Variants in XIRP2 observed in about 807,000 individuals in gnomAD.
XIRP2 encodes xin actin binding repeat containing 2, also known as xin actin-binding repeat-containing protein 2.
In XIRP2, 236 loss-of-function variants were observed where a neutral mutation model predicts 277.0. That is an observed-to-expected ratio of 0.85 (90% CI 0.77 to 0.95). The LOEUF (loss-of-function observed/expected upper bound fraction) is 0.95, where lower values mean the gene tolerates loss of function less well. XIRP2 is among the 40% of genes least tolerant of loss of function. The pLI is 0.00. For synonymous variants in XIRP2, 1,490 were observed against 1,416.5 expected, an observed-to-expected ratio of 1.05 and a Z score of -1.17; for missense variants, 4,640 against 4,157.5, an observed-to-expected ratio of 1.12 and a Z score of -3.19.
rs1239662430 is a variant in XIRP2, at chr2:166,903,783, C to G, written c.301C>G (p.Leu101Val). 1 of 1,613,550 alleles carries G rather than the reference C, an allele frequency of 6.2e-7. No homozygotes were observed. The highest frequency in any genetic ancestry group is 8.5e-7 in the Non-Finnish European group (1 of 1,179,792). Residue 101 changes from leucine to valine, a missense_variant, in exon 2 of 11, where the codon CTG (leucine) becomes GTG (valine). Transcript: ENST00000409195. ...GCCAGAAGTGCTGAAGGAGGATTCC[C>G]TGAGCAGTCGGCGCAGGATTGAACG... ...GRPEVLKEDS[L>V]SSRRRIERFS...
chr2:166,981,388 C>G lies in XIRP2; in HGVS notation c.408+77498C>G, dbSNP rs867792906. ...TATTTCCTCTGAGTGCCTGTCTCCTCTATGTGTCTGTACATCTGTGTGTCC... is the reference window on the plus strand; with the variant it reads ...TATTTCCTCTGAGTGCCTGTCTCCTGTATGTGTCTGTACATCTGTGTGTCC... On this transcript the variant is annotated intron_variant, in intron 2 of 10. Coordinates refer to ENST00000409195, the MANE Select transcript of XIRP2 (RefSeq NM_152381.6). Among the ~76,000 whole-genome samples, 8 of 151,894 alleles carry G rather than the reference C, an allele frequency of 5.3e-5. No individual in the cohort carries two copies. The South Asian group carries it at 1.5e-3, about 28-fold the overall frequency.
intron 3 of XIRP2, among the ~76,000 whole-genome samples, chr2:167,206,167 C>T (rs1693846973): frequency 6.6e-6 from 1 of 152,152 alleles, no homozygotes; most frequent in Non-Finnish European, 1.5e-5. Flanking sequence ...AAAATGTTCA[C>T]CAGGATTTGC....
intron 2 of XIRP2, among the ~76,000 whole-genome samples, chr2:167,012,369 G>A (rs1687704563): frequency 6.6e-6 from 1 of 151,668 alleles, no homozygotes; most frequent in Admixed American, 6.6e-5. Flanking sequence ...TTTCTACTAT[G>A]CTCTAGTAGT....
intron 2 of XIRP2, among the ~76,000 whole-genome samples, chr2:166,960,251 T>C (rs1686266704): frequency 6.6e-6 from 1 of 151,110 alleles, no homozygotes; most frequent in African/African-American, 2.4e-5. Flanking sequence ...AATAAAAAAA[T>C]AAGTGGAAAA....
intron 2 of XIRP2, among the ~76,000 whole-genome samples, chr2:167,008,697 T>A (rs975556588): frequency 6.6e-6 from 1 of 151,694 alleles, no homozygotes; most frequent in Non-Finnish European, 1.5e-5. Context: ...TAAACTGCTT[T>A]AAAAAATAAT....
rs1164689376 is a variant in XIRP2 at position 167,155,724 on chromosome 2, A to G, written c.562+19662A>G. 2.6e-5 allele frequency among the ~76,000 whole-genome samples: 4 copies of G among 151,926 alleles called. No homozygotes were observed. The South Asian group carries it at 6.3e-4, about 24-fold the overall frequency. ...CCCTCTCTCACCGCTCCTATTCAAC[A>G]TAGTGTTGGAAGGTCTGGCCAGGGC... On this transcript the variant is annotated intron_variant, in intron 3 of 10. Transcript: ENST00000409195.
At chr2:167,201,893 T>C (rs887069849) in intron 3 of XIRP2, among the ~76,000 whole-genome samples, 5 of 152,170 alleles carry the variant, frequency 3.3e-5, no homozygotes, top group Non-Finnish European at 5.9e-5. Flanking sequence ...TTGAAAGTTG[T>C]ATGCAGAAAT....
At chr2:167,042,687 C>T (rs898332723) in intron 2 of XIRP2, among the ~76,000 whole-genome samples, 2 of 152,000 alleles carry the variant, frequency 1.3e-5, no homozygotes, top group Non-Finnish European at 2.9e-5. Flanking sequence ...CACCCAACAC[C>T]GGAGCACCCA....
intron 2 of XIRP2, among the ~76,000 whole-genome samples, chr2:166,945,234 A>C (rs1393659373): frequency 6.6e-6 from 1 of 152,172 alleles, no homozygotes; most frequent in East Asian, 1.9e-4. Flanking sequence ...AAAAGCAAAT[A>C]GCTACACATT....
At chr2:166,914,535 T>A (rs145751102) in intron 2 of XIRP2, among the ~76,000 whole-genome samples, 1 of 152,002 alleles carries the variant, frequency 6.6e-6, no homozygotes, top group Non-Finnish European at 1.5e-5. Context: ...AGAGATGGGA[T>A]TTCACCATGT....
At chr2:166,891,085 T>C (rs1159558530) in intron 1 of XIRP2, among the ~76,000 whole-genome samples, 1 of 152,186 alleles carries the variant, frequency 6.6e-6, no homozygotes, top group Non-Finnish European at 1.5e-5. Flanking sequence ...GTTCATTAGT[T>C]AGATGAGATC....
At position 167,259,220 on chromosome 2, in the gene XIRP2, C is replaced by T. The variant is rs200386467; in HGVS notation, c.*1403C>T. ...GCATGTTGAAACAACAGAAGCTGCC[C>T]GCAATAATGAAAACACAGGTTTTGA... On this transcript the variant is annotated 3_prime_UTR_variant, in exon 11 of 11. Transcript: ENST00000409195. 2.0e-4 allele frequency: 318 copies of T among 1,613,272 alleles called. 1 individual carries two copies. The highest frequency in any genetic ancestry group is 6.6e-4 in the Middle Eastern group (4 of 6,056).
At chr2:167,078,428 G>T (rs1254900762) in intron 2 of XIRP2, among the ~76,000 whole-genome samples, 1 of 152,110 alleles carries the variant, frequency 6.6e-6, no homozygotes, top group African/African-American at 2.4e-5. Flanking sequence ...GAGATAGTTG[G>T]ATTTTTCCTT....
At chr2:166,898,450 TG>T (rs886803417) in intron 1 of XIRP2, among the ~76,000 whole-genome samples, 173 of 152,242 alleles carry the variant, frequency 1.1e-3, no homozygotes, top group African/African-American at 3.5e-3. Context: ...GAGTAAAACT[TG>T]GAGTAGTGAC....
Position 167,243,305 on chromosome 2 carries a change from A to T in XIRP2, c.1913A>T (p.Glu638Val), listed in dbSNP as rs1307702765. ...GGGGCTTATTCTTCTGACACTGTAGAAAATGCAGAGAAAATTCCTGAGCTA... is the reference window on the plus strand; with the variant it reads ...GGGGCTTATTCTTCTGACACTGTAGTAAATGCAGAGAAAATTCCTGAGCTA... ...TLGAYSSDTV[E>V]NAEKIPELAR... Residue 638 changes from glutamate to valine, a missense_variant, in exon 9 of 11, where the codon GAA (glutamate) becomes GTA (valine). Transcript: ENST00000409195. 2 of 1,613,728 alleles carry T rather than the reference A, an allele frequency of 1.2e-6. No homozygotes were observed. Among genetic ancestry groups the T allele is most frequent in the South Asian group, 2.2e-5 (2 of 91,002 alleles).
At chr2:167,075,939 G>A (rs1689557384) in intron 2 of XIRP2, among the ~76,000 whole-genome samples, 2 of 151,974 alleles carry the variant, frequency 1.3e-5, no homozygotes, top group Non-Finnish European at 2.9e-5. Context: ...GCCTCCCAAA[G>A]TGATGGAATT....
intron 3 of XIRP2, among the ~76,000 whole-genome samples, chr2:167,181,592 T>A (rs1573938592): frequency 1.1e-5 from 1 of 90,088 alleles, no homozygotes; most frequent in African/African-American, 1.2e-4. Flanking sequence ...ACCTGCACCA[T>A]TTTTTTTAAC....
intron 2 of XIRP2, among the ~76,000 whole-genome samples, chr2:166,940,270 T>C (rs1685667101): frequency 6.6e-6 from 1 of 152,230 alleles, no homozygotes; most frequent in Non-Finnish European, 1.5e-5. Flanking sequence ...CATCACGTAG[T>C]TCTCATGCCA....
intron 2 of XIRP2, among the ~76,000 whole-genome samples, chr2:166,999,765 C>T (rs1221329260): frequency 6.6e-6 from 1 of 152,032 alleles, no homozygotes. Flanking sequence ...AACTTGTCAA[C>T]AACATTTTTT....
Sources: allele counts gnomAD v4.1 joint callset (sites outside exome capture counted in the v4.1 genomes callset), GRCh38; gene constraint gnomAD v4.1.1; transcripts MANE v1.5; gene names NCBI Gene and HGNC (gene_info 2026-07-23, HGNC 2026-07-21).